Variants in C12orf42 observed in about 807,000 individuals in gnomAD.
C12orf42 encodes chromosome 12 open reading frame 42.
Under a neutral mutation model 21.6 loss-of-function variants are expected in C12orf42, and 25 were observed. That is an observed-to-expected ratio of 1.16 (90% CI 0.84 to 1.62). C12orf42 has a LOEUF of 1.62. Ranked by LOEUF, C12orf42 falls within the 40% of genes most tolerant of loss-of-function variation. The pLI, the probability that C12orf42 is intolerant of heterozygous loss-of-function variation, is 0.00. For missense variants in C12orf42, 483 were observed against 459.3 expected (o/e 1.05, Z -0.47); for synonymous variants, 174 against 175.0 (o/e 0.99, Z 0.05).
the C12orf42 span, among the ~76,000 whole-genome samples, chr12:103,138,903 C>T: frequency 5.9e-5 from 9 of 152,086 alleles, no homozygotes; most frequent in Admixed American, 2.0e-4. Flanking sequence ...AACCCTCTAC[C>T]TTAGTAGAAT....
chr12:103,516,701 C>T, the C12orf42 span, among the ~76,000 whole-genome samples: 1 of 152,172 alleles, frequency 6.6e-6, no homozygotes, highest in African/African-American at 2.4e-5. Context: ...AGGTCCCTCC[C>T]TTAACACATG....
intron 4 of C12orf42, among the ~76,000 whole-genome samples, chr12:103,293,584 TACTC>T (rs1290690295): frequency 6.6e-6 from 1 of 152,136 alleles, no homozygotes; most frequent in Non-Finnish European, 1.5e-5. Flanking sequence ...CTACTGCACT[TACTC>T]ACTTTAAAAC....
At chr12:103,464,053 G>A (rs569427842) in intron 2 of C12orf42, among the ~76,000 whole-genome samples, 1 of 152,132 alleles carries the variant, frequency 6.6e-6, no homozygotes, top group South Asian at 2.1e-4. Flanking sequence ...ATGTGTTTTT[G>A]TAATAGAATT....
the C12orf42 span, among the ~76,000 whole-genome samples, chr12:103,191,543 CAAAAAAAAAAAAAAAAAAA>C: frequency 3.4e-5 from 2 of 58,112 alleles, no homozygotes; most frequent in South Asian, 1.6e-3. Flanking sequence ...CTCCACTCTA[CAAAAAAAAAAAAAAAAAAA>C]AAAAAAAAAA....
chr12:103,542,492 G>A, the C12orf42 span, among the ~76,000 whole-genome samples: 1 of 152,210 alleles, frequency 6.6e-6, no homozygotes, highest in Non-Finnish European at 1.5e-5. Flanking sequence ...GTCTTGCCTG[G>A]GGGCAATGCT....
chr12:103,543,090 G>C, the C12orf42 span, among the ~76,000 whole-genome samples: 1 of 152,214 alleles, frequency 6.6e-6, no homozygotes, highest in Non-Finnish European at 1.5e-5. Flanking sequence ...CAACCAGGCT[G>C]TGGTTGAGAT....
chr12:103,147,101 C>T, the C12orf42 span, among the ~76,000 whole-genome samples: 22 of 152,124 alleles, frequency 1.4e-4, no homozygotes, highest in Admixed American at 3.9e-4. Context: ...GATACATTCA[C>T]GTATAGAAGC....
At chr12:103,367,368 C>T (rs894823465) in intron 4 of C12orf42, among the ~76,000 whole-genome samples, 10 of 150,358 alleles carry the variant, frequency 6.7e-5, no homozygotes, top group African/African-American at 2.5e-4. Flanking sequence ...GATGGGTGCA[C>T]CAAAATCTCA....
intron 4 of C12orf42, among the ~76,000 whole-genome samples, chr12:103,366,849 G>T (rs1308028987): frequency 6.6e-6 from 1 of 152,092 alleles, no homozygotes; most frequent in African/African-American, 2.4e-5. Context: ...TACACTGCTG[G>T]TGGGAAAGTA....
chr12:103,172,480 C>T, the C12orf42 span, among the ~76,000 whole-genome samples: 2 of 152,114 alleles, frequency 1.3e-5, no homozygotes, highest in Non-Finnish European at 2.9e-5. Flanking sequence ...GCTGATATAT[C>T]TCATTCCTCA....
intron 2 of C12orf42, among the ~76,000 whole-genome samples, chr12:103,467,399 G>A (rs988684904): frequency 4.6e-5 from 7 of 152,148 alleles, no homozygotes; most frequent in East Asian, 1.9e-4. Context: ...GCTGCAAAAC[G>A]ATCTGATGGA....
the C12orf42 span, among the ~76,000 whole-genome samples, chr12:103,543,198 C>T: frequency 6.6e-6 from 1 of 152,146 alleles, no homozygotes; most frequent in Non-Finnish European, 1.5e-5. Flanking sequence ...GTTGGAACTG[C>T]AACAGAAATG....
At chr12:103,240,887 A>G (rs1024525581) in intron 10 of C12orf42, among the ~76,000 whole-genome samples, 3 of 152,280 alleles carry the variant, frequency 2.0e-5, no homozygotes, top group South Asian at 4.1e-4. Context: ...TAATATTTAA[A>G]ACACAGTAGA....
the C12orf42 span, among the ~76,000 whole-genome samples, chr12:103,206,486 A>G: frequency 1.3e-5 from 2 of 151,552 alleles, no homozygotes; most frequent in East Asian, 2.0e-4. Context: ...TGTTATCTCT[A>G]TAATACATTA....
intron 2 of C12orf42, among the ~76,000 whole-genome samples, chr12:103,469,018 G>C (rs1340437344): frequency 6.6e-6 from 1 of 152,208 alleles, no homozygotes; most frequent in Non-Finnish European, 1.5e-5. Flanking sequence ...AGTGCCTGTA[G>C]GACTGCATAA....
intron 5 of C12orf42, among the ~76,000 whole-genome samples, chr12:103,270,581 T>C (rs1264144911): frequency 2.8e-5 from 4 of 141,838 alleles, no homozygotes; most frequent in African/African-American, 1.0e-4. Flanking sequence ...TATTTATTTA[T>C]TTTATTATTA....
intron 5 of C12orf42, among the ~76,000 whole-genome samples, chr12:103,271,385 T>C (rs1463001138): frequency 6.6e-6 from 1 of 152,174 alleles, no homozygotes; most frequent in Non-Finnish European, 1.5e-5. Context: ...TGTAGCTATG[T>C]CAAACAGGAA....
the C12orf42 span, among the ~76,000 whole-genome samples, chr12:103,161,001 C>A: frequency 6.6e-6 from 1 of 152,182 alleles, no homozygotes; most frequent in East Asian, 1.9e-4. Flanking sequence ...ATTTAGACAA[C>A]CTATGTGAAA....
the C12orf42 span, among the ~76,000 whole-genome samples, chr12:103,510,634 T>C: frequency 2.0e-5 from 3 of 152,242 alleles, no homozygotes; most frequent in Non-Finnish European, 1.5e-5. Context: ...ATAAGTTCTT[T>C]AAATTCCCTA....
Sources: gnomAD v4.1 joint callset for allele counts (sites outside exome capture counted in the v4.1 genomes callset) on GRCh38, gnomAD v4.1.1 for gene constraint, MANE v1.5 for transcripts, NCBI Gene and HGNC (gene_info 2026-07-23, HGNC 2026-07-21) for gene names.